SCAMP1: variants seen among roughly 807,000 people sequenced by gnomAD.
SCAMP1 encodes the protein secretory carrier membrane protein 1, also known as secretory carrier-associated membrane protein 1.
SCAMP1 carries 15 observed loss-of-function variants against 41.8 expected under a neutral mutation model. That is an observed-to-expected ratio of 0.36 (90% CI 0.24 to 0.55). The LOEUF is 0.55. Ranked by LOEUF, SCAMP1 falls within the 20% of genes least tolerant of loss-of-function variation. The pLI is 0.86. For synonymous variants in SCAMP1, 135 were observed against 136.8 expected, an observed-to-expected ratio of 0.99 and a Z score of 0.09; for missense variants, 341 against 412.6, an observed-to-expected ratio of 0.83 and a Z score of 1.50.
intron 3 of SCAMP1, among the ~76,000 whole-genome samples, chr5:78,416,175 C>G (rs1442594433): frequency 6.6e-6 from 1 of 152,054 alleles, no homozygotes; most frequent in Non-Finnish European, 1.5e-5. Flanking sequence ...ATTCAGTTGC[C>G]CTTTTTTCTA....
Position 78,478,652 on chromosome 5 carries a change from T to C in SCAMP1, c.*2984T>C, listed in dbSNP as rs914908350. ...CTGTACTAGTATTGTATTTATTCAA[T>C]TGAACTTGTATTCTGATTTCTATCC... On this transcript the variant is annotated 3_prime_UTR_variant, in exon 9 of 9. Transcript: ENST00000621999. 1 of 152,204 alleles carries C rather than the reference T, an allele frequency of 6.6e-6. No individual in the cohort carries two copies. The highest frequency in any genetic ancestry group is 2.4e-5 in the African/African-American group (1 of 41,468). 9.4% of individuals were successfully genotyped at this position (152,204 alleles called of 1,614,324 possible).
chr5:78,475,426 A>G (rs1034296432), intron 8 of SCAMP1, 78 bp from the exon 9 acceptor site: 3 of 1,040,742 alleles, frequency 2.9e-6, no homozygotes, highest in Non-Finnish European at 4.0e-6. Context: ...ATGTTTGATT[A>G]ATGTTGAGAT....
At chr5:78,401,942 T>C (rs776651701) in intron 2 of SCAMP1, among the ~76,000 whole-genome samples, 2 of 152,174 alleles carry the variant, frequency 1.3e-5, no homozygotes, top group Non-Finnish European at 2.9e-5. Context: ...ATCTTTCTTA[T>C]CAAATATATG....
intron 1 of SCAMP1, among the ~76,000 whole-genome samples, chr5:78,366,440 G>C (rs1750798104): frequency 6.6e-6 from 1 of 152,038 alleles, no homozygotes; most frequent in Non-Finnish European, 1.5e-5. Flanking sequence ...CACCACACTT[G>C]GCCTCTGGGT....
intron 1 of SCAMP1, among the ~76,000 whole-genome samples, chr5:78,363,503 C>T (rs1437800222): frequency 6.6e-6 from 1 of 152,210 alleles, no homozygotes; most frequent in Non-Finnish European, 1.5e-5. Flanking sequence ...ACCACTGGGC[C>T]CGACCCATTT....
chr5:78,429,105 C>T (rs1752535625), intron 6 of SCAMP1, among the ~76,000 whole-genome samples: 1 of 152,020 alleles, frequency 6.6e-6, no homozygotes, highest in Non-Finnish European at 1.5e-5. Flanking sequence ...CTTATTCCTT[C>T]CAAAGTAGTT....
intron 2 of SCAMP1, among the ~76,000 whole-genome samples, chr5:78,405,708 G>A (rs1751918140): frequency 6.6e-6 from 1 of 152,148 alleles, no homozygotes; most frequent in Admixed American, 6.5e-5. Context: ...CCCAATTCCT[G>A]TATATGTTTG....
At chr5:78,360,790 A>G in intron 1 of SCAMP1, 62 bp downstream of exon 1, 1 of 1,497,182 alleles carries the variant, frequency 6.7e-7, no homozygotes, top group Admixed American at 1.9e-5. Flanking sequence ...AAAACGGACG[A>G]GTTCCTTCGC....
At chr5:78,435,854 C>T (rs952991023) in intron 6 of SCAMP1, among the ~76,000 whole-genome samples, 3 of 152,174 alleles carry the variant, frequency 2.0e-5, no homozygotes, top group Admixed American at 1.3e-4. Context: ...AGTGTAAAAG[C>T]TTTCTTATTT....
chr5:78,371,179 A>C (rs1480452097), intron 1 of SCAMP1, among the ~76,000 whole-genome samples: 2 of 152,132 alleles, frequency 1.3e-5, no homozygotes, highest in African/African-American at 4.8e-5. Context: ...GTTAAGTTCA[A>C]ATTACCTATT....
intron 7 of SCAMP1, among the ~76,000 whole-genome samples, chr5:78,453,457 G>T (rs868525854): frequency 0.03 from 4,602 of 151,960 alleles, 221 homozygotes; most frequent in African/African-American, 0.097. Flanking sequence ...TTTCCCCATT[G>T]CTTGTTTTTC....
At chr5:78,456,216 A>G (rs1415847407) in intron 7 of SCAMP1, among the ~76,000 whole-genome samples, 1 of 137,004 alleles carries the variant, frequency 7.3e-6, no homozygotes, top group African/African-American at 2.8e-5. Flanking sequence ...TGTGAATTTG[A>G]TCCTGTCATT....
At chr5:78,391,295 C>A (rs1457474880) in intron 2 of SCAMP1, among the ~76,000 whole-genome samples, 7 of 150,552 alleles carry the variant, frequency 4.6e-5, no homozygotes, top group Non-Finnish European at 3.0e-5. Context: ...ACCCCCCCAC[C>A]TCCCTCCCGG....
chr5:78,464,315 TG>T (rs1267660348), intron 8 of SCAMP1, among the ~76,000 whole-genome samples: 2 of 152,068 alleles, frequency 1.3e-5, no homozygotes, highest in Non-Finnish European at 2.9e-5. Context: ...GGCTAATTTT[TG>T]TATTTTTAGT....
At chr5:78,473,529 T>C (rs1373291800) in intron 8 of SCAMP1, among the ~76,000 whole-genome samples, 1 of 152,154 alleles carries the variant, frequency 6.6e-6, no homozygotes, top group African/African-American at 2.4e-5. Flanking sequence ...TACAAGGGTA[T>C]ATTATGTGAT....
intron 2 of SCAMP1, among the ~76,000 whole-genome samples, chr5:78,414,342 G>A (rs949129856): frequency 3.3e-5 from 5 of 151,840 alleles, no homozygotes; most frequent in Non-Finnish European, 7.4e-5. Flanking sequence ...GAGTGCAGTG[G>A]TGCGATCTTA....
At chr5:78,440,789 T>C (rs1752900997) in intron 6 of SCAMP1, among the ~76,000 whole-genome samples, 1 of 152,230 alleles carries the variant, frequency 6.6e-6, no homozygotes, top group Non-Finnish European at 1.5e-5. Context: ...TTTGTTCAGC[T>C]ATGCCCTGCC....
intron 1 of SCAMP1, chr5:78,361,050 A>G: frequency 3.7e-6 from 1 of 266,670 alleles, no homozygotes; most frequent in Non-Finnish European, 7.2e-6. Flanking sequence ...GAGAAAGCCG[A>G]GGGCAGGTAG....
chr5:78,390,639 GAA>G (rs1219468749), intron 2 of SCAMP1, among the ~76,000 whole-genome samples: 2 of 151,630 alleles, frequency 1.3e-5, no homozygotes, highest in Admixed American at 1.3e-4. Flanking sequence ...GATAAAGAAT[GAA>G]AAGAGATTTT....
Sources: gnomAD v4.1 joint callset for allele counts (sites outside exome capture counted in the v4.1 genomes callset) on GRCh38, gnomAD v4.1.1 for gene constraint, MANE v1.5 for transcripts, NCBI Gene and HGNC (gene_info 2026-07-23, HGNC 2026-07-21) for gene names.